The following CNNM1 variants were observed in gnomAD, a reference collection of about 807,000 sequenced individuals.
CNNM1 encodes the protein metal transporter CNNM1.
CNNM1 carries 44 observed loss-of-function variants against 78.8 expected under a neutral mutation model. That is an observed-to-expected ratio of 0.56 (90% CI 0.44 to 0.72). The LOEUF (loss-of-function observed/expected upper bound fraction) is 0.72, where lower values mean the gene tolerates loss of function less well. CNNM1 is among the 30% of genes least tolerant of loss of function. The pLI, the probability that CNNM1 is intolerant of heterozygous loss-of-function variation, is 0.00. For missense variants in CNNM1, 1,101 were observed against 1,292.2 expected (o/e 0.85, Z 2.27); for synonymous variants, 584 against 581.5 (o/e 1.00, Z -0.06).
Position 99,331,638 on chromosome 10 carries a change from G to A in CNNM1, c.1573+678G>A, listed in dbSNP as rs558579740. On this transcript the variant is annotated intron_variant, in intron 1 of 10. Coordinates refer to ENST00000356713, the MANE Select transcript of CNNM1 (RefSeq NM_020348.3). The stretch of plus-strand genomic sequence containing the variant: ...TCCCAGCACTTTGGGAAGCTGAGGC[G>A]GGAGGATTACTCGAGCCCAGGAGTT... Among the ~76,000 whole-genome samples the A allele has an allele frequency of 1.2e-4, 18 of 152,290 alleles. No individual in the cohort carries two copies. In the South Asian group the frequency reaches 3.5e-3, roughly 30 times the overall value.
intron 7 of CNNM1, chr10:99,377,436 C>T: frequency 2.6e-6 from 1 of 381,030 alleles, no homozygotes; most frequent in Non-Finnish European, 4.7e-6. Context: ...CATCTCCTGA[C>T]CCCCTTTTTT....
At position 99,333,328 on chromosome 10, in the gene CNNM1, C is replaced by A. The variant is rs979324321; in HGVS notation, c.1573+2368C>A. ...TAAATGAAACTCCTGTGAACTCATTCATTCATTTGTTTAGGTTTGTTTGTT... is the reference window on the plus strand; with the variant it reads ...TAAATGAAACTCCTGTGAACTCATTAATTCATTTGTTTAGGTTTGTTTGTT... On this transcript the variant is annotated intron_variant, in intron 1 of 10. Coordinates refer to ENST00000356713, the MANE Select transcript of CNNM1 (RefSeq NM_020348.3). Among the ~76,000 whole-genome samples the A allele has an allele frequency of 2.6e-5, 4 of 152,012 alleles. No individual in the cohort carries two copies. The South Asian group carries it at 8.3e-4, about 32-fold the overall frequency.
At chr10:99,387,773 G>A in intron 7 of CNNM1, 47 bp from the exon 8 acceptor site, 1 of 1,507,230 alleles carries the variant, frequency 6.6e-7, no homozygotes, top group Non-Finnish European at 8.9e-7. Context: ...CTGCATCCGG[G>A]TGGTCTCTGC....
At position 99,377,242 on chromosome 10, in the gene CNNM1, C is replaced by T. The variant is rs750603956; in HGVS notation, c.2340+24C>T. 6.2e-6 allele frequency: 10 copies of T among 1,609,706 alleles called. 1 individual carries two copies. The South Asian group carries it at 1.1e-4, about 18-fold the overall frequency. ...AGGTAACTCCCCCAGGAAGGTTATC[C>T]TCTCCCTCCCAGTGGGCAGTGTTGG... is the stretch of plus-strand genomic sequence containing the variant. On this transcript the variant is annotated intron_variant, in intron 7 of 10. Transcript: ENST00000356713.
intron 6 of CNNM1, chr10:99,365,229 T>C (rs2031574963): frequency 1.6e-6 from 1 of 628,718 alleles, no homozygotes; most frequent in African/African-American, 1.8e-5. Flanking sequence ...TCTGCTCACA[T>C]GGTTGGGGGG....
intron 1 of CNNM1, among the ~76,000 whole-genome samples, chr10:99,350,888 A>G (rs2030921056): frequency 6.6e-6 from 1 of 151,582 alleles, no homozygotes; most frequent in African/African-American, 2.4e-5. Context: ...TGTCCTGTGC[A>G]TTGAAGGATG....
intron 1 of CNNM1, among the ~76,000 whole-genome samples, chr10:99,352,009 C>G (rs548868095): frequency 1.3e-5 from 2 of 152,086 alleles, no homozygotes; most frequent in South Asian, 4.1e-4. Flanking sequence ...AAAACTCATC[C>G]TTTTAAAGTG....
intron 7 of CNNM1, among the ~76,000 whole-genome samples, chr10:99,384,754 G>T (rs543792840): frequency 2.9e-4 from 44 of 152,196 alleles, no homozygotes; most frequent in African/African-American, 1.0e-3. Context: ...AACAAGAGGG[G>T]CTTATCATTG....
At position 99,348,415 on chromosome 10, in the gene CNNM1, C is replaced by G. The variant is rs556481762; in HGVS notation, c.1574-9097C>G. 2.6e-5 allele frequency among the ~76,000 whole-genome samples: 4 copies of G among 152,176 alleles called. No individual in the cohort carries two copies. The East Asian group carries it at 7.7e-4, about 29-fold the overall frequency. On this transcript the variant is annotated intron_variant, in intron 1 of 10. Coordinates refer to ENST00000356713, the MANE Select transcript of CNNM1 (RefSeq NM_020348.3). ...CCTCTACTTACAAGAGTGTAAGCTG[C>G]CGGAGGAAAATGATTTTGTGCATTG...
intron 1 of CNNM1, among the ~76,000 whole-genome samples, chr10:99,339,739 G>T (rs895501706): frequency 7.2e-5 from 11 of 152,228 alleles, no homozygotes; most frequent in African/African-American, 2.6e-4. Context: ...ATTCCAACCA[G>T]CCAGTAAGTG....
chr10:99,391,239 G>A (rs539925180), intron 10 of CNNM1, among the ~76,000 whole-genome samples, 198 bp from the exon 11 acceptor site: 3 of 152,374 alleles, frequency 2.0e-5, no homozygotes, highest in African/African-American at 7.2e-5. Context: ...GGCATCTTAT[G>A]TGGAAAGTAC....
chr10:99,355,206 A>G (rs577091609), intron 1 of CNNM1, among the ~76,000 whole-genome samples: 3 of 146,996 alleles, frequency 2.0e-5, no homozygotes, highest in Admixed American at 6.9e-5. Flanking sequence ...GTTCTCACTC[A>G]TAGGTGGGAA....
At chr10:99,347,249 G>A (rs1173786959) in intron 1 of CNNM1, among the ~76,000 whole-genome samples, 3 of 151,716 alleles carry the variant, frequency 2.0e-5, no homozygotes, top group African/African-American at 4.8e-5. Context: ...AGCCAGGCAC[G>A]GTGGCTCACA....
intron 6 of CNNM1, among the ~76,000 whole-genome samples, chr10:99,367,561 A>G (rs2031664373): frequency 2.0e-5 from 3 of 152,182 alleles, no homozygotes; most frequent in South Asian, 2.1e-4. Flanking sequence ...ATACATTTAT[A>G]CATTTAGAAC....
intron 6 of CNNM1, among the ~76,000 whole-genome samples, chr10:99,373,509 C>T (rs1252399488): frequency 6.6e-6 from 1 of 152,304 alleles, no homozygotes. Context: ...CAGCCACCAC[C>T]CTAAAACAGC....
Position 99,367,180 on chromosome 10 carries a change from C to A in CNNM1, c.2176+2178C>A, listed in dbSNP as rs958674894. ...CCAGCATCTTTCACTGGCCAAGAAC[C>A]TCAACCTATAGGTTGAGGGAGAGCT... On this transcript the variant is annotated intron_variant, in intron 6 of 10. Transcript: ENST00000356713. Among the ~76,000 whole-genome samples, 4 of 152,158 alleles carry A rather than the reference C, an allele frequency of 2.6e-5. No homozygotes were observed. The East Asian group carries it at 5.8e-4, about 22-fold the overall frequency.
At position 99,356,564 on chromosome 10, in the gene CNNM1, G is replaced by GACAGACAGAAAGAAAGAAAGAAAAGA. The variant is rs1554940021; in HGVS notation, c.1574-947_1574-946insCAGACAGAAAGAAAGAAAGAAAAGAA. On this transcript the variant is annotated intron_variant, in intron 1 of 10. Coordinates refer to ENST00000356713, the MANE Select transcript of CNNM1 (RefSeq NM_020348.3). ...AGACAGACAGACAGACAGACAGACA[G>GACAGACAGAAAGAAAGAAAGAAAAGA]AAAGAAAGAAAGAAAGAAAGAAAGA... Among the ~76,000 whole-genome samples, 8 of 98,254 alleles carry GACAGACAGAAAGAAAGAAAGAAAAGA rather than the reference G, an allele frequency of 8.1e-5. No homozygotes were observed. The South Asian group carries it at 9.7e-4, about 12-fold the overall frequency. The allele number at this position is 98,254 out of a possible 152,430, so 64.5% of individuals were successfully genotyped here.
At chr10:99,358,618 T>C (rs1400527453) in intron 2 of CNNM1, among the ~76,000 whole-genome samples, 1 of 152,004 alleles carries the variant, frequency 6.6e-6, no homozygotes, top group East Asian at 1.9e-4. Context: ...AGAGATCAAC[T>C]CTAAAAGGTG....
At chr10:99,386,033 A>T (rs2032293614) in intron 7 of CNNM1, among the ~76,000 whole-genome samples, 1 of 152,198 alleles carries the variant, frequency 6.6e-6, no homozygotes, top group Non-Finnish European at 1.5e-5. Context: ...CAACAGAGGG[A>T]ATTGCAAAAG....
Sources: gnomAD v4.1 joint callset for allele counts (sites outside exome capture counted in the v4.1 genomes callset) on GRCh38, gnomAD v4.1.1 for gene constraint, MANE v1.5 for transcripts, NCBI Gene and HGNC (gene_info 2026-07-23, HGNC 2026-07-21) for gene names.